POPDC1: variants seen among roughly 807,000 people sequenced by gnomAD.
POPDC1 encodes the protein popeye domain cAMP effector 1.
the POPDC1 span, among the ~76,000 whole-genome samples, chr6:105,124,829 G>A: frequency 1.3e-5 from 2 of 152,192 alleles, no homozygotes; most frequent in South Asian, 4.2e-4. Context: ...AAAAAATAAC[G>A]TTAGAAAAAG....
chr6:105,113,081 T>C, the POPDC1 span, among the ~76,000 whole-genome samples: 1 of 151,804 alleles, frequency 6.6e-6, no homozygotes, highest in Non-Finnish European at 1.5e-5. Context: ...CAGGCATGTA[T>C]CACCATGCCT....
At chr6:105,121,535 C>T in the POPDC1 span, among the ~76,000 whole-genome samples, 12 of 152,010 alleles carry the variant, frequency 7.9e-5, no homozygotes, top group South Asian at 2.1e-4. Flanking sequence ...CCCAAAGTGC[C>T]GGGATTACAG....
the POPDC1 span, among the ~76,000 whole-genome samples, chr6:105,106,255 C>T: frequency 6.6e-6 from 1 of 152,136 alleles, no homozygotes; most frequent in African/African-American, 2.4e-5. Flanking sequence ...TTTCATATTA[C>T]ACCAAGTGGC....
At chr6:105,133,301 TC>T in the POPDC1 span, 1 of 1,450,802 alleles carries the variant, frequency 6.9e-7, no homozygotes, top group Non-Finnish European at 9.5e-7. Flanking sequence ...GTAAAGCCCA[TC>T]TTATGTCAGT....
the POPDC1 span, among the ~76,000 whole-genome samples, chr6:105,128,019 C>T: frequency 6.6e-6 from 1 of 152,242 alleles, no homozygotes; most frequent in East Asian, 1.9e-4. Context: ...CTCGGCTTCC[C>T]GAAGTGTTGG....
At chr6:105,096,891 C>T in the POPDC1 span, 1 of 152,530 alleles carries the variant, frequency 6.6e-6, no homozygotes, top group Non-Finnish European at 1.5e-5. Context: ...AAGGCTCTAT[C>T]CAGACAAAAA....
chr6:105,115,045 A>G, the POPDC1 span, among the ~76,000 whole-genome samples: 1 of 152,244 alleles, frequency 6.6e-6, no homozygotes, highest in Non-Finnish European at 1.5e-5. Flanking sequence ...AAACCAAAGC[A>G]AAAAAATCAA....
chr6:105,100,392 C>G, the POPDC1 span: 3 of 152,048 alleles, frequency 2.0e-5, no homozygotes, highest in Middle Eastern at 3.1e-3. Flanking sequence ...TGCCTGTAGT[C>G]CCAGCTACTC....
At chr6:105,109,941 A>G in the POPDC1 span, among the ~76,000 whole-genome samples, 1 of 151,742 alleles carries the variant, frequency 6.6e-6, no homozygotes, top group Admixed American at 6.6e-5. Context: ...TGTGATATCT[A>G]TGTATATTAA....
the POPDC1 span, chr6:105,136,502 T>G: frequency 6.6e-6 from 1 of 152,450 alleles, no homozygotes; most frequent in Admixed American, 6.5e-5. Flanking sequence ...CGCGCCCGGC[T>G]GCACGCAGGC....
At chr6:105,119,922 A>G in the POPDC1 span, among the ~76,000 whole-genome samples, 1 of 152,232 alleles carries the variant, frequency 6.6e-6, no homozygotes, top group Admixed American at 6.5e-5. Context: ...TATTCAAATA[A>G]TAAGCCGTAC....
At chr6:105,115,799 C>T in the POPDC1 span, 1 of 1,613,846 alleles carries the variant, frequency 6.2e-7, no homozygotes, top group Non-Finnish European at 8.5e-7. Flanking sequence ...TGTGCAGAGG[C>T]TGAGCTGATG....
the POPDC1 span, among the ~76,000 whole-genome samples, chr6:105,120,640 G>T: frequency 6.6e-6 from 1 of 152,142 alleles, no homozygotes; most frequent in Non-Finnish European, 1.5e-5. Context: ...AAACAGGTTT[G>T]CCGTGATTAC....
the POPDC1 span, among the ~76,000 whole-genome samples, chr6:105,128,562 A>T: frequency 7.9e-5 from 12 of 152,210 alleles, no homozygotes; most frequent in Non-Finnish European, 5.9e-5. Context: ...AACCTGGAAA[A>T]AACTGAATAT....
the POPDC1 span, among the ~76,000 whole-genome samples, chr6:105,109,638 T>C: frequency 6.6e-6 from 1 of 151,416 alleles, no homozygotes; most frequent in Non-Finnish European, 1.5e-5. Context: ...CTCAGAAGGC[T>C]GAGGCGGGAG....
the POPDC1 span, among the ~76,000 whole-genome samples, chr6:105,128,977 C>G: frequency 2.0e-5 from 3 of 152,052 alleles, no homozygotes; most frequent in Non-Finnish European, 4.4e-5. Flanking sequence ...GAAAAATATA[C>G]AGTTATTACA....
At chr6:105,125,553 C>G in the POPDC1 span, 1 of 1,614,000 alleles carries the variant, frequency 6.2e-7, no homozygotes, top group Non-Finnish European at 8.5e-7. Flanking sequence ...CCGGTACATG[C>G]CACTGAGTTC....
chr6:105,123,563 G>T, the POPDC1 span, among the ~76,000 whole-genome samples: 1 of 151,410 alleles, frequency 6.6e-6, no homozygotes, highest in African/African-American at 2.5e-5. Flanking sequence ...ACCACGCCCA[G>T]CTAATTGTTT....
the POPDC1 span, among the ~76,000 whole-genome samples, chr6:105,128,002 C>T: frequency 6.6e-6 from 1 of 152,246 alleles, no homozygotes; most frequent in Non-Finnish European, 1.5e-5. Context: ...TCAGATGACC[C>T]ACCCGCCTCG....
Sources: gnomAD v4.1 joint callset for allele counts (sites outside exome capture counted in the v4.1 genomes callset) on GRCh38, gnomAD v4.1.1 for gene constraint, MANE v1.5 for transcripts, NCBI Gene and HGNC (gene_info 2026-07-23, HGNC 2026-07-21) for gene names.